SEPTIN2: variants seen among roughly 807,000 people sequenced by gnomAD.
SEPTIN2 encodes the protein septin-2.
A neutral mutation model predicts 46.5 loss-of-function variants in SEPTIN2; 34 were observed. The observed-to-expected ratio is 0.73, with a 90% CI of 0.56 to 0.97. The LOEUF (loss-of-function observed/expected upper bound fraction) is 0.97. Among genes scored for constraint, SEPTIN2 ranks in the 50% least tolerant of loss-of-function variants. The pLI is 0.00. For synonymous variants in SEPTIN2, 175 were observed against 153.4 expected (o/e 1.14, Z -1.04); for missense variants, 347 against 448.4 (o/e 0.77, Z 2.04).
intron 12 of SEPTIN2, among the ~76,000 whole-genome samples, chr2:241,350,531 A>G (rs2060691475): frequency 6.6e-6 from 1 of 152,188 alleles, no homozygotes. Context: ...CACTTTTATT[A>G]GTTGTATTAT....
intron 8 of SEPTIN2, 50 bp downstream of exon 8, chr2:241,343,143 G>A: frequency 9.4e-7 from 1 of 1,060,424 alleles, no homozygotes. Flanking sequence ...GTTTACTGTT[G>A]TCCATGTTGA....
chr2:241,347,200 C>T (rs1284166475), intron 10 of SEPTIN2, among the ~76,000 whole-genome samples: 2 of 151,948 alleles, frequency 1.3e-5, no homozygotes, highest in East Asian at 1.9e-4. Flanking sequence ...GAGCTATGGT[C>T]GCACCACCAC....
intron 11 of SEPTIN2, among the ~76,000 whole-genome samples, chr2:241,348,496 G>C (rs949853422): frequency 6.6e-6 from 1 of 152,136 alleles, no homozygotes; most frequent in African/African-American, 2.4e-5. Context: ...CTCCCAAAGT[G>C]CTGGGATTAC....
Position 241,335,374 on chromosome 2 carries a change from C to T in SEPTIN2, c.217+162C>T, listed in dbSNP as rs750886593. 2.2e-5 allele frequency: 34 copies of T among 1,551,782 alleles called. No individual in the cohort carries two copies. The African/African-American group carries it at 4.2e-4, about 19-fold the overall frequency. ...GGGGTAGGTGTGCTGCACCGAGGTC[C>T]TTGGATTTGGGTTGTAGACTTTCTT... On this transcript the variant is annotated intron_variant, in intron 4 of 12. Coordinates refer to ENST00000391971, the MANE Select transcript of SEPTIN2 (RefSeq NM_004404.5).
At chr2:241,324,415 G>A (rs558307249) in intron 2 of SEPTIN2, 174 bp downstream of exon 2, 14 of 556,930 alleles carry the variant, frequency 2.5e-5, no homozygotes, top group Middle Eastern at 5.0e-4. Context: ...TGAGACGGGA[G>A]TCTTGTTCTG....
At chr2:241,346,298 A>G (rs370461651) in intron 10 of SEPTIN2, 49 bp downstream of exon 10, 11 of 1,439,134 alleles carry the variant, frequency 7.6e-6, no homozygotes, top group African/African-American at 5.6e-5. Context: ...CTGAGCCACA[A>G]TGTTCCTCCT....
chr2:241,329,257 T>C (rs1305023774), intron 3 of SEPTIN2, among the ~76,000 whole-genome samples: 1 of 151,838 alleles, frequency 6.6e-6, no homozygotes, highest in African/African-American at 2.4e-5. Context: ...TCCAAGTAGC[T>C]AAGATTACAG....
In SEPTIN2 at chr2:241,318,025, A is replaced by G. The variant is rs1180419819; in HGVS notation, c.-18+2043A>G. Among the ~76,000 whole-genome samples the G allele has an allele frequency of 3.9e-5, 6 of 152,084 alleles. No homozygotes were observed. The South Asian group carries it at 1.2e-3, about 32-fold the overall frequency. ...GATCAAGGCTTTCTCACTGAAAACC[A>G]TGTGCTTCAGAGGTTCATAATTCCT... is the stretch of plus-strand genomic sequence containing the variant. On this transcript the variant is annotated intron_variant, in intron 1 of 12. Transcript: ENST00000391971.
chr2:241,338,645 A>T (rs2080479562), intron 7 of SEPTIN2, among the ~76,000 whole-genome samples: 1 of 129,850 alleles, frequency 7.7e-6, no homozygotes, highest in East Asian at 2.1e-4. Flanking sequence ...TATATAATAT[A>T]TATTACATAT....
intron 4 of SEPTIN2, 71 bp from the exon 5 acceptor site, chr2:241,335,904 C>T (rs187396122): frequency 6.3e-5 from 101 of 1,604,592 alleles, no homozygotes; most frequent in South Asian, 3.1e-4. Context: ...CTGAAGTCAC[C>T]TGTCGTAAGA....
chr2:241,323,802 A>G (rs1469863527), intron 1 of SEPTIN2, among the ~76,000 whole-genome samples: 4 of 152,270 alleles, frequency 2.6e-5, no homozygotes, highest in Middle Eastern at 3.4e-3. Flanking sequence ...GAATTATAAC[A>G]TTTTCGGAAC....
At chr2:241,316,967 A>C (rs2076412990) in intron 1 of SEPTIN2, 1 of 158,006 alleles carries the variant, frequency 6.3e-6, no homozygotes, top group African/African-American at 2.4e-5. Flanking sequence ...CCAGTGGACT[A>C]TTGGTGCTGT....
chr2:241,328,487 A>G (rs1055278673), intron 3 of SEPTIN2, among the ~76,000 whole-genome samples: 1 of 152,176 alleles, frequency 6.6e-6, no homozygotes, highest in African/African-American at 2.4e-5. Flanking sequence ...CTGTAATCAC[A>G]GCATCTTGGG....
rs548033372 is a variant in SEPTIN2, at chr2:241,342,534, A to ATTTTTT, written c.595-439_595-434dup. Among the ~76,000 whole-genome samples the ATTTTTT allele has an allele frequency of 3.9e-4, 34 of 86,994 alleles. 2 individuals carry two copies. The highest frequency in any genetic ancestry group is 8.5e-4 in the South Asian group (2 of 2,348). The allele number at this position is 86,994 out of a possible 152,430, so 57.1% of individuals were successfully genotyped here. Reference sequence around the variant, plus strand: ...AAATACCTTTCTAGCAGTTTTGTAAATTTTTTTTTTTTTTTTTTTTTTTTG... The same window carrying ATTTTTT: ...AAATACCTTTCTAGCAGTTTTGTAAATTTTTTTTTTTTTTTTTTTTTTTTTTTTTTG... On this transcript the variant is annotated intron_variant, in intron 7 of 12. Transcript: ENST00000391971.
chr2:241,320,909 C>T (rs766189871), intron 1 of SEPTIN2, among the ~76,000 whole-genome samples: 52 of 152,010 alleles, frequency 3.4e-4, no homozygotes, highest in Middle Eastern at 3.2e-3. Flanking sequence ...TTTTATCTTC[C>T]TTCCATTGCT....
intron 3 of SEPTIN2, among the ~76,000 whole-genome samples, chr2:241,327,213 G>C (rs1034920109): frequency 2.0e-5 from 3 of 151,790 alleles, no homozygotes; most frequent in Non-Finnish European, 2.9e-5. Flanking sequence ...GATAGAAATG[G>C]ATCTCGATGG....
intron 3 of SEPTIN2, among the ~76,000 whole-genome samples, chr2:241,329,713 G>C (rs915695692): frequency 1.3e-5 from 2 of 152,198 alleles, no homozygotes; most frequent in African/African-American, 2.4e-5. Context: ...CCTTACTGCT[G>C]TGTCTGGTTT....
At chr2:241,346,292 G>A (rs775963578) in intron 10 of SEPTIN2, 43 bp downstream of exon 10, 2 of 1,498,416 alleles carry the variant, frequency 1.3e-6, no homozygotes, top group Admixed American at 1.7e-5. Flanking sequence ...GTCACCCTGA[G>A]CCACAATGTT....
Position 241,352,300 on chromosome 2 carries a change from C to G in SEPTIN2, c.*363C>G, listed in dbSNP as rs2060851895. ...ACTGACTAACCATTGATGAGCACTC[C>G]TGATTTTTATCTAGAACATTCAGAT... On this transcript the variant is annotated 3_prime_UTR_variant, in exon 13 of 13. Transcript: ENST00000391971. 1 of 152,526 alleles carries G rather than the reference C, an allele frequency of 6.6e-6. No individual in the cohort carries two copies. The highest frequency in any genetic ancestry group is 6.5e-5 in the Admixed American group (1 of 15,272). The allele number at this position is 152,526 out of a possible 1,614,324, so 9.4% of individuals were successfully genotyped here.
Sources: allele counts gnomAD v4.1 joint callset (sites outside exome capture counted in the v4.1 genomes callset), GRCh38; gene constraint gnomAD v4.1.1; transcripts MANE v1.5; gene names NCBI Gene and HGNC (gene_info 2026-07-23, HGNC 2026-07-21).